Variants in PCDHGC5 observed in about 807,000 individuals in gnomAD.
The protein encoded by PCDHGC5 is protocadherin gamma subfamily C, 5.
PCDHGC5 carries 25 observed loss-of-function variants against 59.0 expected under a neutral mutation model. The ratio of observed to expected loss-of-function variants is 0.42; its 90% confidence interval spans 0.31 to 0.59. PCDHGC5 has a LOEUF of 0.59. PCDHGC5 is among the 20% of genes least tolerant of loss of function. The pLI is 0.13. For synonymous variants in PCDHGC5, 434 were observed against 505.5 expected (o/e 0.86, Z 1.90); for missense variants, 1,067 against 1,206.4 (o/e 0.88, Z 1.71).
At chr5:141,504,450 T>C (rs931613781) in intron 2 of PCDHGC5, among the ~76,000 whole-genome samples, 1 of 151,918 alleles carries the variant, frequency 6.6e-6, no homozygotes, top group Non-Finnish European at 1.5e-5. Context: ...ACTAGTGCCA[T>C]GTGGGGCAGC....
intron 2 of PCDHGC5, among the ~76,000 whole-genome samples, chr5:141,504,490 TGC>T (rs2099838709): frequency 6.6e-6 from 1 of 152,056 alleles, no homozygotes; most frequent in Non-Finnish European, 1.5e-5. Flanking sequence ...TGGAGGCACC[TGC>T]CCAGTCTGAG....
Position 141,490,916 on chromosome 5 carries a change from A to C in PCDHGC5, c.1676A>C (p.Asp559Ala). 1 of 1,613,724 alleles carries C rather than the reference A, an allele frequency of 6.2e-7. No homozygotes were observed. Among genetic ancestry groups the C allele is most frequent in the Non-Finnish European group, 8.5e-7 (1 of 1,179,736 alleles). ...SLHVFVLDEN[D>A]NAPAVLHPRP... ...CATGTGTTTGTCCTAGACGAGAATG[A>C]TAATGCCCCAGCTGTGCTGCACCCA... is the stretch of plus-strand genomic sequence containing the variant. The change falls in exon 1 of 4, where the codon GAT becomes GCT. Residue 559 changes from aspartate to alanine, a missense_variant. By Grantham distance (126) the Asp-to-Ala change is moderately radical. Transcript: ENST00000252087. This position sits in a 1 kb window ranked among gnomAD's most constrained non-coding sequence, Gnocchi z 5.4.
intron 1 of PCDHGC5, among the ~76,000 whole-genome samples, chr5:141,492,593 A>T (rs907659087): frequency 1.3e-5 from 2 of 152,100 alleles, no homozygotes; most frequent in African/African-American, 4.8e-5. Context: ...GGAGCGCTGG[A>T]GCGACTGCCG....
intron 2 of PCDHGC5, among the ~76,000 whole-genome samples, chr5:141,501,159 C>G (rs1475164887): frequency 6.6e-6 from 1 of 152,096 alleles, no homozygotes; most frequent in East Asian, 1.9e-4. Context: ...GAGCCACCAT[C>G]CCCAGCCTCA....
rs2099746867 is a variant in PCDHGC5, at chr5:141,493,199, C to T, written c.2460+1499C>T. Among the ~76,000 whole-genome samples the T allele has an allele frequency of 6.6e-6, 1 of 152,168 alleles. No individual in the cohort carries two copies. Among genetic ancestry groups the T allele is most frequent in the Non-Finnish European group, 1.5e-5 (1 of 68,020 alleles). ...CTTACTATATAACTCCTTTGAGAAC[C>T]TCATCTCATTTGCTCTTCCCACCAT... On this transcript the variant is annotated intron_variant, in intron 1 of 3. Coordinates refer to ENST00000252087, the MANE Select transcript of PCDHGC5 (RefSeq NM_018929.3). This position sits in a 1 kb window ranked among gnomAD's most constrained non-coding sequence, Gnocchi z 4.3.
At chr5:141,504,065 G>C (rs1291060280) in intron 2 of PCDHGC5, among the ~76,000 whole-genome samples, 2 of 152,060 alleles carry the variant, frequency 1.3e-5, no homozygotes, top group African/African-American at 2.4e-5. Context: ...AAACTTCTCT[G>C]AGCCAGATGG....
intron 3 of PCDHGC5, among the ~76,000 whole-genome samples, chr5:141,507,518 A>T (rs1323767789): frequency 6.6e-6 from 1 of 152,132 alleles, no homozygotes; most frequent in African/African-American, 2.4e-5. Flanking sequence ...TGGGGCTATG[A>T]TTCCAGAGAG....
chr5:141,490,906 G>A lies in PCDHGC5; in HGVS notation c.1666G>A (p.Asp556Asn), dbSNP rs2099705910. 1 of 1,613,798 alleles carries A rather than the reference G, an allele frequency of 6.2e-7. No individual in the cohort carries two copies. Among genetic ancestry groups the A allele is most frequent in the Non-Finnish European group, 8.5e-7 (1 of 1,179,808 alleles). ...ANTSLHVFVL[D>N]ENDNAPAVLH... ...CACATCTCTGCATGTGTTTGTCCTA[G>A]ACGAGAATGATAATGCCCCAGCTGT... The change falls in exon 1 of 4, where the codon GAC becomes AAC. Residue 556 changes from aspartate to asparagine, a missense_variant. By Grantham distance (23) the Asp-to-Asn change is conservative. Coordinates refer to ENST00000252087, the MANE Select transcript of PCDHGC5 (RefSeq NM_018929.3). The surrounding 1 kb of genome is among the most constrained non-coding windows in gnomAD (Gnocchi z 5.4).
chr5:141,490,896 G>C lies in PCDHGC5; in HGVS notation c.1656G>C (p.Val552=). ...PPLHANTSLH[V]FVLDENDNAP... The stretch of plus-strand genomic sequence containing the variant: ...TGCATGCCAACACATCTCTGCATGT[G>C]TTTGTCCTAGACGAGAATGATAATG... The change falls in exon 1 of 4, where the codon GTG becomes GTC. Residue 552 remains valine, a synonymous_variant. Coordinates refer to ENST00000252087, the MANE Select transcript of PCDHGC5 (RefSeq NM_018929.3). This position sits in a 1 kb window ranked among gnomAD's most constrained non-coding sequence, Gnocchi z 5.4. 2.5e-6 allele frequency: 4 copies of C among 1,613,938 alleles called. No homozygotes were observed. The highest frequency in any genetic ancestry group is 3.4e-6 in the Non-Finnish European group (4 of 1,179,922).
intron 3 of PCDHGC5, among the ~76,000 whole-genome samples, chr5:141,506,202 G>A (rs911181875): frequency 6.6e-6 from 1 of 152,184 alleles, no homozygotes; most frequent in Non-Finnish European, 1.5e-5. Context: ...TGTAATCCCA[G>A]CACTTTGGGA....
chr5:141,497,125 G>A (rs968031174), intron 2 of PCDHGC5, among the ~76,000 whole-genome samples: 1 of 152,094 alleles, frequency 6.6e-6, no homozygotes, highest in South Asian at 2.1e-4. Context: ...GGCAGAGGTT[G>A]CAGTGAGCTG....
rs115607451 is a variant in PCDHGC5, at chr5:141,508,636, A to C, written c.2609-2311A>C. Among the ~76,000 whole-genome samples, 998 of 151,746 alleles carry C rather than the reference A, an allele frequency of 6.6e-3. 12 individuals are homozygous for C. The highest frequency in any genetic ancestry group is 0.023 in the African/African-American group (958 of 41,372). ...ACGTGGGTGGGCCGAGCTTCTAGCT[A>C]CTCCGTCAGGCCCTTCCTGTCATTC... On this transcript the variant is annotated intron_variant, in intron 3 of 3. Transcript: ENST00000252087.
chr5:141,489,942 C>T lies in PCDHGC5; in HGVS notation c.702C>T (p.Asp234=). The change falls in exon 1 of 4, where the codon GAC becomes GAT. Residue 234 remains aspartate (D), a synonymous_variant. Transcript: ENST00000252087. The surrounding 1 kb of genome is among the most constrained non-coding windows in gnomAD (Gnocchi z 4.5). ...CCCTTATCTCTGTCATCGTGCTGGA[C>T]ATCAATGATAATGCTCCAACCTTCC... The part of the protein sequence containing the change: ...GTTLISVIVL[D]INDNAPTFQS... 2 of 1,614,170 alleles carry T rather than the reference C, an allele frequency of 1.2e-6. No homozygotes were observed. The highest frequency in any genetic ancestry group is 1.7e-6 in the Non-Finnish European group (2 of 1,179,984).
Position 141,505,474 on chromosome 5 carries a change from C to T in PCDHGC5, c.2601C>T (p.Ser867=), listed in dbSNP as rs751690779. The stretch of plus-strand genomic sequence containing the variant: ...TGCTGCAAGCCATGATCTTGGCGTC[C>T]GCCAGTGGTAAGTGGTGTCAGTGTG... ...TEMLQAMILA[S]ASEAADGSST... Residue 867 remains serine, a synonymous_variant, in exon 3 of 4, where the codon TCC becomes TCT. Transcript: ENST00000252087. 2.2e-5 allele frequency: 36 copies of T among 1,614,090 alleles called. No individual in the cohort carries two copies. The highest frequency in any genetic ancestry group is 5.3e-5 in the African/African-American group (4 of 74,934).
In PCDHGC5 at chr5:141,489,610, C is replaced by A; in HGVS notation, c.370C>A (p.Leu124Met). 6.2e-7 allele frequency: 1 copy of A among 1,614,090 alleles called. No individual in the cohort carries two copies. Among genetic ancestry groups the A allele is most frequent in the Non-Finnish European group, 8.5e-7 (1 of 1,179,990 alleles). ...GCTAATCCGTGTAGAGGTAGAGATCCTGGATCTCAATGACAACTCTCCTAG... is the reference window on the plus strand; with the variant it reads ...GCTAATCCGTGTAGAGGTAGAGATCATGGATCTCAATGACAACTCTCCTAG... ...LELIRVEVEI[L>M]DLNDNSPSFA... Residue 124 changes from leucine (L) to methionine (M), a missense_variant, in exon 1 of 4, where the codon CTG becomes ATG. Transcript: ENST00000252087. The surrounding 1 kb of genome is among the most constrained non-coding windows in gnomAD (Gnocchi z 4.5).
At chr5:141,509,143 C>T (rs1022878562) in intron 3 of PCDHGC5, among the ~76,000 whole-genome samples, 9 of 152,138 alleles carry the variant, frequency 5.9e-5, no homozygotes, top group Non-Finnish European at 1.0e-4. Flanking sequence ...AGGCGCATCC[C>T]GGCTCTCCCC....
Position 141,493,891 on chromosome 5 carries a change from G to A in PCDHGC5, c.2461-916G>A, listed in dbSNP as rs1595204910. On this transcript the variant is annotated intron_variant, in intron 1 of 3. Transcript: ENST00000252087. The surrounding 1 kb of genome is among the most constrained non-coding windows in gnomAD (Gnocchi z 4.3). ...CCAGTGAGGAGGTGGCTCTAGGAGT[G>A]CTCCATGAGAGTGTGTGATGGGATA... Among the ~76,000 whole-genome samples, 1 of 152,300 alleles carries A rather than the reference G, an allele frequency of 6.6e-6. No homozygotes were observed. The highest frequency in any genetic ancestry group is 1.5e-5 in the Non-Finnish European group (1 of 68,018).
At chr5:141,500,215 T>G (rs888740312) in intron 2 of PCDHGC5, among the ~76,000 whole-genome samples, 8 of 150,660 alleles carry the variant, frequency 5.3e-5, no homozygotes, top group African/African-American at 1.9e-4. Context: ...TTTATTTATT[T>G]ATTTATTTAT....
chr5:141,490,346 T>A lies in PCDHGC5; in HGVS notation c.1106T>A (p.Val369Glu). The change falls in exon 1 of 4, where the codon GTG (valine) becomes GAG (glutamate). Residue 369 changes from valine to glutamate, a missense_variant. By Grantham distance (121) the Val-to-Glu change is moderately radical. Coordinates refer to ENST00000252087, the MANE Select transcript of PCDHGC5 (RefSeq NM_018929.3). This position sits in a 1 kb window ranked among gnomAD's most constrained non-coding sequence, Gnocchi z 5.4. The part of the protein sequence containing the change: ...VLESTPVGTV[V>E]GLFNVRDRDS... ...GAGAGCACACCAGTGGGCACAGTAG[T>A]GGGGTTGTTTAATGTGCGAGACCGG... The A allele has an allele frequency of 6.2e-7, 1 of 1,614,164 alleles. No individual in the cohort carries two copies. The highest frequency in any genetic ancestry group is 8.5e-7 in the Non-Finnish European group (1 of 1,180,020).
Sources: gnomAD v4.1 joint callset for allele counts (sites outside exome capture counted in the v4.1 genomes callset) on GRCh38, gnomAD v4.1.1 for gene constraint, Gnocchi (gnomAD v3.1) non-coding constraint, MANE v1.5 for transcripts, NCBI Gene and HGNC (gene_info 2026-07-23, HGNC 2026-07-21) for gene names.